Variants in NOX4 observed in about 807,000 individuals in gnomAD.
The protein encoded by NOX4 is NADPH oxidase 4, also known as kidney oxidase-1.
In NOX4, 69 loss-of-function variants were observed where a neutral mutation model predicts 87.6. The observed-to-expected ratio is 0.79, with a 90% confidence interval of 0.65 to 0.96. The LOEUF is 0.96. Among genes scored for constraint, NOX4 ranks in the 40% least tolerant of loss-of-function variants. The pLI, the probability that NOX4 is intolerant of heterozygous loss-of-function variation, is 0.00. For synonymous variants in NOX4, 275 were observed against 238.2 expected (o/e 1.15, Z -1.42); for missense variants, 680 against 681.5 (o/e 1.00, Z 0.02).
At chr11:89,342,456 C>A (rs1374743409) in intron 13 of NOX4, among the ~76,000 whole-genome samples, 3 of 152,040 alleles carry the variant, frequency 2.0e-5, no homozygotes, top group Admixed American at 2.0e-4. Context: ...TAAATATGAT[C>A]ATGCCAGGTA....
rs573399802 is a variant in NOX4 at position 89,435,033 on chromosome 11, T to C, written c.476-2177A>G. ...ATAATAAAAATATTTATCATCTAAC[T>C]TTTGATGATGGTTCCACTATTGTGT... On this transcript the variant is annotated intron_variant, in intron 6 of 17. Transcript: ENST00000263317. 3.9e-5 allele frequency among the ~76,000 whole-genome samples: 6 copies of C among 152,198 alleles called. No homozygotes were observed. The South Asian group carries it at 1.2e-3, about 32-fold the overall frequency.
chr11:89,500,531 T>C (rs1947005668), upstream of NOX4, among the ~76,000 whole-genome samples: 1 of 152,160 alleles, frequency 6.6e-6, no homozygotes, highest in Non-Finnish European at 1.5e-5. Flanking sequence ...CATTACTTGT[T>C]TTAGCCTCTC....
intron 2 of NOX4, among the ~76,000 whole-genome samples, chr11:89,487,426 T>C (rs1314115359): frequency 1.6e-5 from 2 of 123,360 alleles, no homozygotes; most frequent in African/African-American, 4.4e-5. Flanking sequence ...GACCATATTC[T>C]GTGGGTCCTT....
intron 2 of NOX4, among the ~76,000 whole-genome samples, chr11:89,475,630 A>G (rs1439019879): frequency 6.6e-6 from 1 of 152,134 alleles, no homozygotes; most frequent in Non-Finnish European, 1.5e-5. Context: ...GCAGGCTTCA[A>G]CAGAATAGGT....
At chr11:89,509,825 G>A in the NOX4 span, among the ~76,000 whole-genome samples, 1 of 151,958 alleles carries the variant, frequency 6.6e-6, no homozygotes, top group South Asian at 2.1e-4. Context: ...CGTGTCCACT[G>A]ATTGTAATCA....
intron 8 of NOX4, among the ~76,000 whole-genome samples, chr11:89,415,432 T>G (rs1395374777): frequency 6.6e-6 from 1 of 152,110 alleles, no homozygotes; most frequent in African/African-American, 2.4e-5. Context: ...AATGTGTCAA[T>G]GTGATATTAG....
the NOX4 span, among the ~76,000 whole-genome samples, chr11:89,568,677 T>C: frequency 6.6e-6 from 1 of 152,124 alleles, no homozygotes; most frequent in African/African-American, 2.4e-5. Context: ...ATTAGAAAAA[T>C]ATATTCCAAA....
chr11:89,373,482 T>A lies in NOX4; in HGVS notation c.1085A>T (p.Glu362Val). The A allele has an allele frequency of 6.3e-6, 10 of 1,588,886 alleles. No homozygotes were observed. The highest frequency in any genetic ancestry group is 8.6e-6 in the Non-Finnish European group (10 of 1,158,266). ...ATGAACCCCAAATGTTGCTTTGGTT[T>A]CAGTTGGACACTAAAAAAAAATACT... ...HPFTLTMCPT[E>V]TKATFGVHLK... The change falls in exon 12 of 18, where the codon GAA becomes GTA. Residue 362 changes from glutamate (E) to valine (V), a missense_variant. Physicochemically the swap from Glu to Val is moderately radical, Grantham distance 121. Transcript: ENST00000263317.
chr11:89,521,862 A>G, the NOX4 span, among the ~76,000 whole-genome samples: 1 of 152,088 alleles, frequency 6.6e-6, no homozygotes, highest in African/African-American at 2.4e-5. Flanking sequence ...CCATTAAAAA[A>G]CAGGCAAAAA....
At chr11:89,422,649 T>G (rs192281970) in intron 7 of NOX4, among the ~76,000 whole-genome samples, 14 of 152,226 alleles carry the variant, frequency 9.2e-5, no homozygotes, top group African/African-American at 3.4e-4. Flanking sequence ...TTACAAAAGC[T>G]TCCTAGATGA....
chr11:89,525,949 A>G, the NOX4 span, among the ~76,000 whole-genome samples: 1 of 152,100 alleles, frequency 6.6e-6, no homozygotes, highest in African/African-American at 2.4e-5. Context: ...AGTTTTATAT[A>G]AATATTTGTT....
At position 89,337,353 on chromosome 11, in the gene NOX4, C is replaced by G. The variant is rs996624112; in HGVS notation, c.1515+94G>C. On this transcript the variant is annotated intron_variant, in intron 16 of 17. Coordinates refer to ENST00000263317, the MANE Select transcript of NOX4 (RefSeq NM_016931.5). ...GGCTTTCCTCTAGGAAACTTCTGTT[C>G]GAACCACCTGCAGGAATTTTCTTCC... is the stretch of plus-strand genomic sequence containing the variant. 17 of 1,568,408 alleles carry G rather than the reference C, an allele frequency of 1.1e-5. No individual in the cohort carries two copies. The African/African-American group carries it at 2.2e-4, about 20-fold the overall frequency.
chr11:89,365,272 T>G (rs1938870134), intron 12 of NOX4, among the ~76,000 whole-genome samples: 1 of 152,146 alleles, frequency 6.6e-6, no homozygotes, highest in South Asian at 2.1e-4. Flanking sequence ...ATTATTTTGC[T>G]TCTTATTTGT....
chr11:89,556,296 G>A, the NOX4 span, among the ~76,000 whole-genome samples: 1 of 152,162 alleles, frequency 6.6e-6, no homozygotes, highest in East Asian at 1.9e-4. Flanking sequence ...CACAAGGCGA[G>A]TGGATTACCT....
chr11:89,525,661 T>C, the NOX4 span, among the ~76,000 whole-genome samples: 2 of 152,222 alleles, frequency 1.3e-5, no homozygotes, highest in African/African-American at 4.8e-5. Flanking sequence ...TTTCTCCCAT[T>C]TTGTAACTTG....
chr11:89,552,849 G>T, the NOX4 span, among the ~76,000 whole-genome samples: 1 of 144,174 alleles, frequency 6.9e-6, no homozygotes, highest in Non-Finnish European at 1.5e-5. Context: ...GTCAAAATCA[G>T]AGCGGAATTC....
intron 11 of NOX4, among the ~76,000 whole-genome samples, chr11:89,394,628 T>A (rs1941350830): frequency 1.3e-5 from 2 of 152,110 alleles, no homozygotes; most frequent in African/African-American, 4.8e-5. Flanking sequence ...CATTAGGTAT[T>A]TCTCCTAACG....
chr11:89,483,694 A>G (rs1342876065), intron 2 of NOX4, among the ~76,000 whole-genome samples: 2 of 152,096 alleles, frequency 1.3e-5, no homozygotes, highest in African/African-American at 4.8e-5. Flanking sequence ...ATTGTACAAC[A>G]TGGTGACTAT....
chr11:89,422,860 T>G (rs2135269142), intron 7 of NOX4, among the ~76,000 whole-genome samples: 1 of 146,140 alleles, frequency 6.8e-6, no homozygotes, highest in East Asian at 2.0e-4. Flanking sequence ...AGTGCAGTGG[T>G]GCAATCTCAG....
Sources: gnomAD v4.1 joint callset for allele counts (sites outside exome capture counted in the v4.1 genomes callset) on GRCh38, gnomAD v4.1.1 for gene constraint, MANE v1.5 for transcripts, NCBI Gene and HGNC (gene_info 2026-07-23, HGNC 2026-07-21) for gene names.